Variants in KCNH1 observed in about 807,000 individuals in gnomAD.
KCNH1 encodes potassium voltage-gated channel subfamily H member 1, also known as voltage-gated delayed rectifier potassium channel KCNH1.
A neutral mutation model predicts 69.2 loss-of-function variants in KCNH1; 27 were observed. That is an observed-to-expected ratio of 0.39 (90% confidence interval 0.29 to 0.54). The LOEUF (loss-of-function observed/expected upper bound fraction) is 0.54, where lower values mean the gene tolerates loss of function less well. KCNH1 is among the 20% of genes least tolerant of loss of function. The pLI, the probability that KCNH1 is intolerant of heterozygous loss-of-function variation, is 0.68. For synonymous variants in KCNH1, 456 were observed against 487.7 expected (o/e 0.93, Z 0.86); for missense variants, 798 against 1,261.6 (o/e 0.63, Z 5.57).
chr1:210,816,951 ATAC>A (rs1186997973), intron 7 of KCNH1, among the ~76,000 whole-genome samples: 1 of 152,218 alleles, frequency 6.6e-6, no homozygotes, highest in Non-Finnish European at 1.5e-5. Context: ...TTTTAAAGAA[ATAC>A]TTCTTTCAAT....
At chr1:211,006,079 A>C (rs993809262) in intron 6 of KCNH1, among the ~76,000 whole-genome samples, 2 of 152,184 alleles carry the variant, frequency 1.3e-5, no homozygotes, top group Non-Finnish European at 2.9e-5. Context: ...AGGTAGAATT[A>C]AGCAAACTGG....
At chr1:210,733,806 G>T (rs1210343749) in intron 10 of KCNH1, among the ~76,000 whole-genome samples, 1 of 152,086 alleles carries the variant, frequency 6.6e-6, no homozygotes, top group Non-Finnish European at 1.5e-5. Context: ...AAATGGGGAA[G>T]GACACAGAAG....
intron 5 of KCNH1, among the ~76,000 whole-genome samples, chr1:211,056,423 C>A (rs1266353452): frequency 6.6e-6 from 1 of 152,104 alleles, no homozygotes; most frequent in Non-Finnish European, 1.5e-5. Context: ...GGCCCTGGCT[C>A]CTGGACAGTA....
At chr1:210,980,643 A>C (rs1212520017) in intron 6 of KCNH1, among the ~76,000 whole-genome samples, 1 of 152,222 alleles carries the variant, frequency 6.6e-6, no homozygotes, top group Non-Finnish European at 1.5e-5. Flanking sequence ...TATATGATCC[A>C]AGGCTGAAAG....
rs1441216528 is a variant in KCNH1, at chr1:210,681,076, T to C, written c.*2205A>G. 6.6e-6 allele frequency: 1 copy of C among 152,196 alleles called. No homozygotes were observed. The highest frequency in any genetic ancestry group is 1.5e-5 in the Non-Finnish European group (1 of 68,058). 9.4% of individuals were successfully genotyped at this position (152,196 alleles called of 1,614,324 possible). A position where few individuals can be genotyped will look rare whatever the true frequency, so the allele number is the denominator to read the frequency against. ...AAAAGTGTCTCCAGTGGCAGGTTCTTCTGAGGCTGGGTTTTGGGGGTGATT... is the reference window on the plus strand; with the variant it reads ...AAAAGTGTCTCCAGTGGCAGGTTCTCCTGAGGCTGGGTTTTGGGGGTGATT... On this transcript the variant is annotated 3_prime_UTR_variant, in exon 11 of 11. Coordinates refer to ENST00000271751, the MANE Select transcript of KCNH1 (RefSeq NM_172362.3).
At chr1:210,710,139 T>C (rs1682031314) in intron 10 of KCNH1, among the ~76,000 whole-genome samples, 1 of 152,234 alleles carries the variant, frequency 6.6e-6, no homozygotes, top group African/African-American at 2.4e-5. Context: ...AGCATGTTAC[T>C]GTATTGAATA....
chr1:211,046,195 A>C (rs1004042560), intron 5 of KCNH1, among the ~76,000 whole-genome samples: 2 of 152,210 alleles, frequency 1.3e-5, no homozygotes, highest in East Asian at 3.8e-4. Context: ...GAGTGCAGCT[A>C]TCTCTTCAAG....
chr1:210,691,101 G>C (rs189378557), intron 10 of KCNH1, among the ~76,000 whole-genome samples: 2 of 152,356 alleles, frequency 1.3e-5, no homozygotes, highest in Admixed American at 1.3e-4. Context: ...AAGCCCTTAA[G>C]GAGAGTGCTT....
intron 7 of KCNH1, among the ~76,000 whole-genome samples, chr1:210,827,422 A>G (rs1302009786): frequency 6.6e-6 from 1 of 152,224 alleles, no homozygotes; most frequent in Non-Finnish European, 1.5e-5. Context: ...TTTATCACAC[A>G]GCAAACGTTA....
intron 10 of KCNH1, among the ~76,000 whole-genome samples, chr1:210,713,003 C>T (rs942131187): frequency 6.6e-6 from 1 of 152,184 alleles, no homozygotes; most frequent in Non-Finnish European, 1.5e-5. Flanking sequence ...CCTCCTCACT[C>T]TACCTTCTCC....
chr1:210,729,349 T>C (rs772848231), intron 10 of KCNH1, among the ~76,000 whole-genome samples: 2 of 152,204 alleles, frequency 1.3e-5, no homozygotes, highest in Admixed American at 6.5e-5. Flanking sequence ...TCCTTGTGCT[T>C]CAAAACCAAA....
At chr1:211,014,059 G>A (rs552565109) in intron 6 of KCNH1, among the ~76,000 whole-genome samples, 1 of 152,316 alleles carries the variant, frequency 6.6e-6, no homozygotes, top group African/African-American at 2.4e-5. Context: ...TTGTGCTGCT[G>A]TCTGAGGTTA....
At chr1:210,704,653 G>C (rs1045044786) in intron 10 of KCNH1, among the ~76,000 whole-genome samples, 1 of 152,258 alleles carries the variant, frequency 6.6e-6, no homozygotes, top group African/African-American at 2.4e-5. Flanking sequence ...GGCTGAGAGA[G>C]ACAAGATCCA....
At chr1:210,864,683 C>T (rs1379754088) in intron 7 of KCNH1, among the ~76,000 whole-genome samples, 1 of 152,174 alleles carries the variant, frequency 6.6e-6, no homozygotes, top group African/African-American at 2.4e-5. Context: ...AACAAATCAC[C>T]TCACCCATAG....
intron 7 of KCNH1, among the ~76,000 whole-genome samples, chr1:210,804,574 C>A (rs1684495149): frequency 6.6e-6 from 1 of 152,200 alleles, no homozygotes; most frequent in Admixed American, 6.5e-5. Context: ...ATGTGTTCCA[C>A]ACCAGTCAAA....
chr1:210,746,826 C>T (rs1342979867), intron 10 of KCNH1, among the ~76,000 whole-genome samples: 1 of 152,080 alleles, frequency 6.6e-6, no homozygotes, highest in African/African-American at 2.4e-5. Context: ...GGATTACAGG[C>T]GAGAGCCACC....
chr1:210,840,890 G>C (rs1221122581), intron 7 of KCNH1, among the ~76,000 whole-genome samples: 1 of 152,120 alleles, frequency 6.6e-6, no homozygotes. Flanking sequence ...TTACACTGTT[G>C]GTGATCAGAC....
intron 7 of KCNH1, among the ~76,000 whole-genome samples, chr1:210,909,016 T>G (rs1056300143): frequency 1.3e-5 from 2 of 152,246 alleles, no homozygotes; most frequent in Non-Finnish European, 2.9e-5. Flanking sequence ...TATCACCACG[T>G]AGCTATGATT....
At chr1:210,686,612 G>C (rs1357146870) in intron 10 of KCNH1, among the ~76,000 whole-genome samples, 1 of 152,194 alleles carries the variant, frequency 6.6e-6, no homozygotes, top group Non-Finnish European at 1.5e-5. Context: ...AGAAATGGGT[G>C]AGAATGTGAA....
Sources: gnomAD v4.1 joint callset for allele counts (sites outside exome capture counted in the v4.1 genomes callset) on GRCh38, gnomAD v4.1.1 for gene constraint, MANE v1.5 for transcripts, NCBI Gene and HGNC (gene_info 2026-07-23, HGNC 2026-07-21) for gene names.